Variants in PRKAA2 observed in about 807,000 individuals in gnomAD.
PRKAA2 encodes protein kinase AMP-activated catalytic subunit alpha 2.
In PRKAA2, 40 loss-of-function variants were observed where a neutral mutation model predicts 56.3. That is an observed-to-expected ratio of 0.71 (90% CI 0.55 to 0.92). The LOEUF is 0.92. PRKAA2 is among the 40% of genes least tolerant of loss of function. The pLI, the probability that PRKAA2 is intolerant of heterozygous loss-of-function variation, is 0.00. For synonymous variants in PRKAA2, 214 were observed against 234.2 expected (o/e 0.91, Z 0.79); for missense variants, 542 against 686.9 (o/e 0.79, Z 2.36).
intron 7 of PRKAA2, among the ~76,000 whole-genome samples, chr1:56,704,885 T>G (rs930977896): frequency 1.3e-5 from 2 of 152,128 alleles, no homozygotes; most frequent in African/African-American, 4.8e-5. Context: ...TTGATACAAA[T>G]TATATCATCA....
intron 2 of PRKAA2, among the ~76,000 whole-genome samples, chr1:56,677,110 C>G (rs1644119148): frequency 6.6e-6 from 1 of 152,144 alleles, no homozygotes; most frequent in Non-Finnish European, 1.5e-5. Context: ...CTCACCTTTC[C>G]TATCCATTGT....
At chr1:56,665,971 A>G (rs945788218) in intron 1 of PRKAA2, among the ~76,000 whole-genome samples, 9 of 152,082 alleles carry the variant, frequency 5.9e-5, no homozygotes, top group Non-Finnish European at 1.3e-4. Context: ...AAGCTTCTGG[A>G]ATGCAGTACT....
intron 1 of PRKAA2, among the ~76,000 whole-genome samples, chr1:56,658,269 A>C (rs933800294): frequency 1.3e-5 from 2 of 152,338 alleles, no homozygotes; most frequent in Admixed American, 1.3e-4. Flanking sequence ...TATGTAGTCA[A>C]CAAGAAAACA....
chr1:56,665,248 A>AT (rs1644027023), intron 1 of PRKAA2, among the ~76,000 whole-genome samples: 2 of 151,740 alleles, frequency 1.3e-5, no homozygotes, highest in Admixed American at 1.3e-4. Flanking sequence ...TAGTTTTTGT[A>AT]TTTTTAGTAG....
At chr1:56,707,356 A>AT in intron 8 of PRKAA2, 119 bp from the exon 9 acceptor site, 1 of 769,244 alleles carries the variant, frequency 1.3e-6, no homozygotes, top group Non-Finnish European at 2.2e-6. Flanking sequence ...CATGACATTC[A>AT]TTATTAAGTT....
intron 1 of PRKAA2, among the ~76,000 whole-genome samples, chr1:56,651,829 A>G (rs181463767): frequency 6.6e-5 from 10 of 151,744 alleles, no homozygotes; most frequent in African/African-American, 1.4e-4. Flanking sequence ...CAGTGTGTTT[A>G]CTGATATGAA....
At chr1:56,682,577 C>G (rs1291652498) in intron 2 of PRKAA2, among the ~76,000 whole-genome samples, 1 of 152,236 alleles carries the variant, frequency 6.6e-6, no homozygotes, top group Middle Eastern at 3.4e-3. Flanking sequence ...GACCAGATAA[C>G]AAAGGGATTT....
chr1:56,707,442 C>T (rs201659619), intron 8 of PRKAA2, 33 bp from the exon 9 acceptor site: 114 of 1,559,988 alleles, frequency 7.3e-5, no homozygotes, highest in Non-Finnish European at 3.3e-5. Context: ...TATATACTTT[C>T]CATATAAATT....
chr1:56,669,664 C>T (rs1644061500), intron 1 of PRKAA2, among the ~76,000 whole-genome samples: 1 of 152,124 alleles, frequency 6.6e-6, no homozygotes, highest in African/African-American at 2.4e-5. Context: ...GGGATCTAGC[C>T]TCTGACCCCA....
At chr1:56,690,992 C>T (rs1300631829) in intron 2 of PRKAA2, among the ~76,000 whole-genome samples, 1 of 152,140 alleles carries the variant, frequency 6.6e-6, no homozygotes, top group Non-Finnish European at 1.5e-5. Flanking sequence ...AGTGATTCTC[C>T]CACCTTGGCC....
intron 2 of PRKAA2, among the ~76,000 whole-genome samples, chr1:56,690,020 C>T (rs1283148627): frequency 6.6e-6 from 1 of 152,058 alleles, no homozygotes; most frequent in East Asian, 1.9e-4. Flanking sequence ...TCACCTTCAA[C>T]AGTAGTCAAT....
chr1:56,650,592 A>G (rs769800337), intron 1 of PRKAA2, among the ~76,000 whole-genome samples: 56 of 152,236 alleles, frequency 3.7e-4, no homozygotes, highest in Non-Finnish European at 6.5e-4. Flanking sequence ...TTTAAAAAGA[A>G]GCCTGCATTT....
chr1:56,675,999 T>C (rs1454074754), intron 2 of PRKAA2, among the ~76,000 whole-genome samples: 1 of 152,164 alleles, frequency 6.6e-6, no homozygotes, highest in Non-Finnish European at 1.5e-5. Flanking sequence ...GCTAGTTCAT[T>C]AAAATCAGGC....
intron 7 of PRKAA2, 27 bp downstream of exon 7, chr1:56,704,502 A>G: frequency 5.2e-6 from 8 of 1,544,000 alleles, no homozygotes; most frequent in Non-Finnish European, 6.9e-6. Context: ...TAATAAGATC[A>G]TTTGTAGAAG....
At chr1:56,696,606 A>G (rs1644260722) in intron 6 of PRKAA2, among the ~76,000 whole-genome samples, 1 of 152,144 alleles carries the variant, frequency 6.6e-6, no homozygotes, top group Non-Finnish European at 1.5e-5. Flanking sequence ...CACAATGCTA[A>G]AAGGCCTGGA....
Position 56,710,728 on chromosome 1 carries a change from TA to T in PRKAA2, c.*3016del, listed in dbSNP as rs1006616104. 6.6e-6 allele frequency: 1 copy of T among 152,100 alleles called. No homozygotes were observed. Among genetic ancestry groups the T allele is most frequent in the Non-Finnish European group, 1.5e-5 (1 of 67,986 alleles). 9.4% of individuals were successfully genotyped at this position (152,100 alleles called of 1,614,324 possible). On this transcript the variant is annotated 3_prime_UTR_variant, in exon 9 of 9. Coordinates refer to ENST00000371244, the MANE Select transcript of PRKAA2 (RefSeq NM_006252.4). ...GGTTTTCTTAATCATCTTGTATTAT[TA>T]TTTGAGTGCAACATTATTCTTATGC...
Position 56,714,295 on chromosome 1 carries a change from T to C in PRKAA2, c.*6582T>C, listed in dbSNP as rs1557570608. The C allele has an allele frequency of 1.3e-5, 2 of 152,114 alleles. No homozygotes were observed. The highest frequency in any genetic ancestry group is 2.9e-5 in the Non-Finnish European group (2 of 67,988). 9.4% of individuals were successfully genotyped at this position (152,114 alleles called of 1,614,324 possible). On this transcript the variant is annotated 3_prime_UTR_variant, in exon 9 of 9. Transcript: ENST00000371244. ...AGCAGCAGCAAGTCACGTAACCTCA[T>C]TTAGTTTTTTGATTTACAAAATGTG... is the stretch of plus-strand genomic sequence containing the variant.
chr1:56,696,458 A>C (rs1165788514), intron 6 of PRKAA2, among the ~76,000 whole-genome samples: 1 of 151,890 alleles, frequency 6.6e-6, no homozygotes, highest in East Asian at 1.9e-4. Flanking sequence ...ACGTGCTTCC[A>C]TTTCTGTTTT....
Position 56,691,489 on chromosome 1 carries a change from T to A in PRKAA2, c.330+2T>A. On this transcript the variant is annotated splice_donor_variant, in intron 3 of 8. Coordinates refer to ENST00000371244, the MANE Select transcript of PRKAA2 (RefSeq NM_006252.4). LOFTEE classifies it high-confidence loss of function. ...GACTACATCTGTAAGCATGGACGGG[T>A]GAGTAACATACTATCTGGTACACTA... 1.3e-6 allele frequency: 2 copies of A among 1,592,296 alleles called. No individual in the cohort carries two copies. Among genetic ancestry groups the A allele is most frequent in the Non-Finnish European group, 1.7e-6 (2 of 1,160,964 alleles).
Sources: allele counts gnomAD v4.1 joint callset (sites outside exome capture counted in the v4.1 genomes callset), GRCh38; gene constraint gnomAD v4.1.1; transcripts MANE v1.5; gene names NCBI Gene and HGNC (gene_info 2026-07-23, HGNC 2026-07-21).